The following OPCML variants were observed in gnomAD, a reference collection of about 807,000 sequenced individuals.
OPCML encodes the protein opioid-binding protein/cell adhesion molecule.
A neutral mutation model predicts 37.8 loss-of-function variants in OPCML; 13 were observed. The observed-to-expected ratio is 0.34, with a 90% CI of 0.22 to 0.55. OPCML has a LOEUF of 0.55. OPCML is among the 20% of genes least tolerant of loss of function. The probability of loss-of-function intolerance (pLI) is 0.91; values close to 1 mark genes in which losing one functional copy is unlikely to be tolerated. For synonymous variants in OPCML, 176 were observed against 168.8 expected, an observed-to-expected ratio of 1.04 and a Z score of -0.33; for missense variants, 341 against 435.6, an observed-to-expected ratio of 0.78 and a Z score of 1.93.
In OPCML at chr11:133,211,333, T is replaced by C. The variant is rs1424691590; in HGVS notation, c.62-268323A>G. ...AATCCACTCTTTAAGCATAATAGTC[T>C]ATTGATTACCTCAGTTATTGAACCC... On this transcript the variant is annotated intron_variant, in intron 1 of 7. Coordinates refer to ENST00000524381, the MANE Select transcript of OPCML (RefSeq NM_001012393.5). The surrounding 1 kb of genome is among the most constrained non-coding windows in gnomAD (Gnocchi z 4.1). Among the ~76,000 whole-genome samples the C allele has an allele frequency of 6.6e-6, 1 of 152,190 alleles. No homozygotes were observed. The highest frequency in any genetic ancestry group is 1.9e-4 in the East Asian group (1 of 5,192).
chr11:132,693,909 G>C (rs886135856), intron 2 of OPCML, among the ~76,000 whole-genome samples: 1 of 152,042 alleles, frequency 6.6e-6, no homozygotes, highest in African/African-American at 2.4e-5. Flanking sequence ...TATGAAAATA[G>C]GAGTTATGTG....
intron 1 of OPCML, among the ~76,000 whole-genome samples, chr11:133,452,688 A>G (rs1946603252): frequency 6.6e-6 from 1 of 151,576 alleles, no homozygotes; most frequent in African/African-American, 2.4e-5. Flanking sequence ...AAAAAGACAA[A>G]GACAAATCTC....
At chr11:132,932,727 G>A (rs1439614287) in intron 2 of OPCML, among the ~76,000 whole-genome samples, 1 of 147,340 alleles carries the variant, frequency 6.8e-6, no homozygotes, top group East Asian at 2.0e-4. Flanking sequence ...ATGCTGCATG[G>A]ATAAATATAT....
chr11:133,310,060 TAG>T (rs950145187), intron 1 of OPCML, among the ~76,000 whole-genome samples: 2 of 152,134 alleles, frequency 1.3e-5, no homozygotes, highest in Admixed American at 1.3e-4. Flanking sequence ...AGAAATTTGT[TAG>T]AGACACGAAG....
rs554068333 is a variant in OPCML at position 132,511,393 on chromosome 11, C to T, written c.505+17668G>A. Among the ~76,000 whole-genome samples the T allele has an allele frequency of 2.0e-5, 3 of 152,122 alleles. No homozygotes were observed. The South Asian group carries it at 6.2e-4, about 32-fold the overall frequency. ...AATGCATTCCCAATCAAAATCTTAA[C>T]ATCTTTTTGGTAAATATTGTCAAAC... is the stretch of plus-strand genomic sequence containing the variant. On this transcript the variant is annotated intron_variant, in intron 4 of 7. Coordinates refer to ENST00000524381, the MANE Select transcript of OPCML (RefSeq NM_001012393.5).
chr11:133,306,445 A>G (rs1942920806), intron 1 of OPCML, among the ~76,000 whole-genome samples: 1 of 152,182 alleles, frequency 6.6e-6, no homozygotes, highest in Non-Finnish European at 1.5e-5. Flanking sequence ...TCACTCTAAA[A>G]TTGACATTGG....
intron 2 of OPCML, among the ~76,000 whole-genome samples, chr11:132,893,206 G>C (rs1422151418): frequency 6.6e-6 from 1 of 152,096 alleles, no homozygotes; most frequent in African/African-American, 2.4e-5. Context: ...TGGTTGCAGT[G>C]AGCCAAGATC....
intron 2 of OPCML, chr11:132,859,351 G>A (rs886692741): frequency 6.6e-6 from 1 of 152,230 alleles, no homozygotes; most frequent in Non-Finnish European, 1.5e-5. Context: ...TGCCTTAAAT[G>A]TGGGTGGCTA....
intron 1 of OPCML, among the ~76,000 whole-genome samples, chr11:133,269,751 T>C (rs1218744286): frequency 6.6e-6 from 1 of 152,174 alleles, no homozygotes; most frequent in African/African-American, 2.4e-5. Flanking sequence ...ACCATCTCTC[T>C]AACTAGGGAA....
chr11:133,343,715 T>A (rs1163928218), intron 1 of OPCML, among the ~76,000 whole-genome samples: 1 of 152,122 alleles, frequency 6.6e-6, no homozygotes, highest in Non-Finnish European at 1.5e-5. Flanking sequence ...TTAATACCAA[T>A]CATGGATACT....
At chr11:132,526,365 C>G (rs976570482) in intron 4 of OPCML, among the ~76,000 whole-genome samples, 3 of 152,054 alleles carry the variant, frequency 2.0e-5, no homozygotes, top group African/African-American at 4.8e-5. Context: ...GCAAAATTAT[C>G]ATGGAACCCA....
chr11:133,226,179 C>G (rs1940027113), intron 1 of OPCML, among the ~76,000 whole-genome samples: 1 of 152,266 alleles, frequency 6.6e-6, no homozygotes, highest in African/African-American at 2.4e-5. Context: ...ATTCCTTCAA[C>G]AAATATTCCC....
rs187998933 is a variant in OPCML at position 132,627,616 on chromosome 11, T to C, written c.379+29471A>G. Among the ~76,000 whole-genome samples, 64 of 152,256 alleles carry C rather than the reference T, an allele frequency of 4.2e-4. 1 individual carries two copies. In the East Asian group the frequency reaches 0.012, roughly 28 times the overall value. Reference sequence around the variant, plus strand: ...ACTGTCTGGAGTGGTCATGGAGTCTTTAATGAGCTGAGTTTCAGATGATCG... The same window carrying C: ...ACTGTCTGGAGTGGTCATGGAGTCTCTAATGAGCTGAGTTTCAGATGATCG... On this transcript the variant is annotated intron_variant, in intron 3 of 7. Transcript: ENST00000524381.
chr11:132,908,552 C>T (rs1272343562), intron 2 of OPCML, among the ~76,000 whole-genome samples: 1 of 152,212 alleles, frequency 6.6e-6, no homozygotes, highest in Non-Finnish European at 1.5e-5. Flanking sequence ...CTAGATACTT[C>T]CACAGGCACT....
At chr11:133,023,988 C>T (rs551014476) in intron 1 of OPCML, among the ~76,000 whole-genome samples, 4 of 152,320 alleles carry the variant, frequency 2.6e-5, no homozygotes, top group East Asian at 3.9e-4. Flanking sequence ...ATCAGACCCT[C>T]ACCCTGCACA....
intron 2 of OPCML, chr11:132,817,126 T>A (rs1939681405): frequency 6.6e-6 from 1 of 152,370 alleles, no homozygotes; most frequent in African/African-American, 2.4e-5. Context: ...AAATGGTAAT[T>A]TTCTCTGTGT....
chr11:133,276,452 G>T (rs975895893), intron 1 of OPCML, among the ~76,000 whole-genome samples: 2 of 152,160 alleles, frequency 1.3e-5, no homozygotes, highest in African/African-American at 4.8e-5. Context: ...GTTTGCAACA[G>T]CCATGCACAC....
At chr11:133,083,130 C>CG in intron 1 of OPCML, among the ~76,000 whole-genome samples, 1 of 152,074 alleles carries the variant, frequency 6.6e-6, no homozygotes, top group Non-Finnish European at 1.5e-5. Flanking sequence ...ATCACACACA[C>CG]CACGCACACA....
chr11:133,378,218 C>A (rs998160015), intron 1 of OPCML, among the ~76,000 whole-genome samples: 1 of 152,122 alleles, frequency 6.6e-6, no homozygotes, highest in Non-Finnish European at 1.5e-5. Context: ...TCTCCTAGGG[C>A]GTCTTCATTC....
Sources: gnomAD v4.1 joint callset for allele counts (sites outside exome capture counted in the v4.1 genomes callset) on GRCh38, gnomAD v4.1.1 for gene constraint, Gnocchi (gnomAD v3.1) non-coding constraint, MANE v1.5 for transcripts, NCBI Gene and HGNC (gene_info 2026-07-23, HGNC 2026-07-21) for gene names.